The following BNC2 variants were observed in gnomAD, a reference collection of about 807,000 sequenced individuals.
BNC2 encodes basonuclin zinc finger protein 2.
A neutral mutation model predicts 76.3 loss-of-function variants in BNC2; 20 were observed. The observed-to-expected ratio is 0.26, with a 90% CI of 0.18 to 0.38. The LOEUF is 0.38. BNC2 is among the 10% of genes least tolerant of loss of function. The probability of loss-of-function intolerance (pLI) is 1.00; values close to 1 mark genes in which losing one functional copy is unlikely to be tolerated. For missense variants in BNC2, 1,382 were observed against 1,399.8 expected (o/e 0.99, Z 0.20); for synonymous variants, 582 against 514.8 (o/e 1.13, Z -1.77).
Position 16,412,752 on chromosome 9 carries a change from AGAGAGAGAGAGAGACT to A in BNC2, c.*6221_*6236del, listed in dbSNP as rs1308755707. The A allele has an allele frequency of 1.5e-5, 2 of 133,674 alleles. No homozygotes were observed. Among genetic ancestry groups the A allele is most frequent in the South Asian group, 2.4e-4 (1 of 4,254 alleles). The allele number at this position is 133,674 out of a possible 1,614,324, so 8.3% of individuals were successfully genotyped here. Reference sequence around the variant, plus strand: ...GAGAGAGAGAGAGAGAGAGAGAGAGAGAGAGAGAGAGAGACTGACTGATTGTGGATGTGTGTGTACA... The same window carrying A: ...GAGAGAGAGAGAGAGAGAGAGAGAGAGACTGATTGTGGATGTGTGTGTACA... On this transcript the variant is annotated 3_prime_UTR_variant, in exon 7 of 7. Transcript: ENST00000380672.
intron 5 of BNC2, among the ~76,000 whole-genome samples, chr9:16,443,329 G>T (rs2130943876): frequency 6.6e-6 from 1 of 152,180 alleles, no homozygotes; most frequent in East Asian, 1.9e-4. Flanking sequence ...GGCACAGTGT[G>T]CTATCTTAAG....
intron 5 of BNC2, among the ~76,000 whole-genome samples, chr9:16,462,195 A>G (rs966499276): frequency 1.6e-4 from 25 of 152,158 alleles, no homozygotes; most frequent in African/African-American, 6.0e-4. Flanking sequence ...TTACTTTTTT[A>G]TAACTCAAAA....
intron 1 of BNC2, among the ~76,000 whole-genome samples, chr9:16,813,187 C>A (rs956315524): frequency 6.6e-6 from 1 of 152,118 alleles, no homozygotes; most frequent in African/African-American, 2.4e-5. Context: ...CAGAGCGAGA[C>A]TCCGTCTCAA....
intron 1 of BNC2, among the ~76,000 whole-genome samples, chr9:16,770,970 T>A (rs574852694): frequency 1.3e-5 from 2 of 152,064 alleles, no homozygotes; most frequent in East Asian, 3.9e-4. Flanking sequence ...CAGGCGTTCA[T>A]GACCAGCCTG....
At chr9:16,606,788 C>G (rs1380369900) in intron 3 of BNC2, among the ~76,000 whole-genome samples, 1 of 152,198 alleles carries the variant, frequency 6.6e-6, no homozygotes, top group Non-Finnish European at 1.5e-5. Context: ...AAACACCTGA[C>G]TTCAGGTGAT....
At chr9:16,834,951 A>G (rs1256427362) in intron 1 of BNC2, among the ~76,000 whole-genome samples, 2 of 152,150 alleles carry the variant, frequency 1.3e-5, no homozygotes, top group African/African-American at 2.4e-5. Flanking sequence ...ATTCTTTCAT[A>G]GAATTCAGTG....
chr9:16,852,565 A>AG (rs1464985788), intron 1 of BNC2, among the ~76,000 whole-genome samples: 1 of 152,212 alleles, frequency 6.6e-6, no homozygotes, highest in East Asian at 1.9e-4. Flanking sequence ...AGTAAGACAA[A>AG]GGACCCTGTT....
At chr9:16,701,304 T>C (rs1313048628) in intron 3 of BNC2, among the ~76,000 whole-genome samples, 1 of 152,204 alleles carries the variant, frequency 6.6e-6, no homozygotes, top group Admixed American at 6.5e-5. Context: ...TTAAATGATA[T>C]ATGAAGAATG....
At chr9:16,565,513 CTT>C (rs2132742269) in intron 4 of BNC2, among the ~76,000 whole-genome samples, 1 of 152,180 alleles carries the variant, frequency 6.6e-6, no homozygotes, top group African/African-American at 2.4e-5. Context: ...AGAAAACAGA[CTT>C]TTAAAAATTA....
chr9:16,557,360 ATGGTGGCACACGCCTGTAGTCCCAGCTAC>A (rs1313989980), intron 4 of BNC2, among the ~76,000 whole-genome samples: 41 of 152,038 alleles, frequency 2.7e-4, no homozygotes, highest in African/African-American at 9.7e-4. Flanking sequence ...TAAGCCGGGC[ATGGTGGCACACGCCTGTAGTCCCAGCTAC>A]TTGGAAGGCT....
intron 3 of BNC2, among the ~76,000 whole-genome samples, chr9:16,692,927 C>T (rs922466421): frequency 1.9e-4 from 29 of 151,838 alleles, no homozygotes; most frequent in Non-Finnish European, 2.9e-4. Context: ...GTCAGGAATT[C>T]GACACTAGCC....
At chr9:16,754,170 G>T (rs2135310746) in intron 1 of BNC2, among the ~76,000 whole-genome samples, 1 of 152,290 alleles carries the variant, frequency 6.6e-6, no homozygotes, top group Non-Finnish European at 1.5e-5. Context: ...CTGCCAGTTG[G>T]TAAAATCTTT....
At chr9:16,856,009 G>A (rs1346508900) in intron 1 of BNC2, among the ~76,000 whole-genome samples, 1 of 152,090 alleles carries the variant, frequency 6.6e-6, no homozygotes, top group Non-Finnish European at 1.5e-5. Flanking sequence ...CAATTTGACA[G>A]TCATACTAGT....
intron 3 of BNC2, among the ~76,000 whole-genome samples, chr9:16,725,277 T>G (rs575217552): frequency 1.1e-4 from 16 of 151,444 alleles, no homozygotes; most frequent in Admixed American, 1.1e-3. Context: ...GCTGATGAAC[T>G]ACAGGTAAGA....
At chr9:16,458,445 T>TTCAA in intron 5 of BNC2, among the ~76,000 whole-genome samples, 1 of 152,348 alleles carries the variant, frequency 6.6e-6, no homozygotes, top group African/African-American at 2.4e-5. Context: ...TGATTTTGTA[T>TTCAA]TCAAATAGGG....
intron 3 of BNC2, among the ~76,000 whole-genome samples, chr9:16,589,017 T>G (rs186348848): frequency 6.6e-6 from 1 of 152,176 alleles, no homozygotes; most frequent in Non-Finnish European, 1.5e-5. Flanking sequence ...AATAGAAGCA[T>G]AAAGCACATA....
At chr9:16,791,730 T>A (rs1000584869) in intron 1 of BNC2, among the ~76,000 whole-genome samples, 7 of 152,228 alleles carry the variant, frequency 4.6e-5, no homozygotes, top group African/African-American at 1.7e-4. Context: ...ACTTGCCCTA[T>A]AAAATAAGTA....
intron 1 of BNC2, among the ~76,000 whole-genome samples, chr9:16,811,552 CAAAAAAA>C (rs1179927173): frequency 1.2e-4 from 7 of 58,054 alleles, no homozygotes; most frequent in African/African-American, 1.6e-4. Context: ...AACTCCATCT[CAAAAAAA>C]AAAAAAAAAA....
chr9:16,845,844 G>T (rs1440967141), intron 1 of BNC2, among the ~76,000 whole-genome samples: 1 of 151,408 alleles, frequency 6.6e-6, no homozygotes, highest in Non-Finnish European at 1.5e-5. Flanking sequence ...AAACAATGCA[G>T]AATTTATAAA....
Sources: gnomAD v4.1 joint callset for allele counts (sites outside exome capture counted in the v4.1 genomes callset) on GRCh38, gnomAD v4.1.1 for gene constraint, MANE v1.5 for transcripts, NCBI Gene and HGNC (gene_info 2026-07-23, HGNC 2026-07-21) for gene names.